Variants in PCP4 observed in about 807,000 individuals in gnomAD.
PCP4 encodes the protein Purkinje cell protein 4, also known as calmodulin regulator protein PCP4.
PCP4 carries 8 observed loss-of-function variants against 10.0 expected under a neutral mutation model. The observed-to-expected ratio is 0.80, with a 90% CI of 0.47 to 1.45. The LOEUF is 1.45. Ranked by LOEUF, PCP4 falls within the 40% of genes most tolerant of loss-of-function variation. PCP4 has a pLI of 0.00. For missense variants in PCP4, 54 were observed against 74.4 expected, an observed-to-expected ratio of 0.73 and a Z score of 1.01; for synonymous variants, 21 against 23.0, an observed-to-expected ratio of 0.91 and a Z score of 0.24.
chr21:39,918,557 A>G (rs948161479), intron 2 of PCP4, among the ~76,000 whole-genome samples: 2 of 152,194 alleles, frequency 1.3e-5, no homozygotes, highest in African/African-American at 4.8e-5. Context: ...TTTAAGTACC[A>G]AAGAAGGCAC....
chr21:39,906,725 C>T lies in PCP4; in HGVS notation c.61+8198C>T, dbSNP rs762223657. ...CCACATCATACAGAGAAAGCTTATA[C>T]ACCTTGGTGAAAAAGTAAAGTTATA... On this transcript the variant is annotated intron_variant, in intron 2 of 2. Coordinates refer to ENST00000328619, the MANE Select transcript of PCP4 (RefSeq NM_006198.3). The surrounding 1 kb of genome is among the most constrained non-coding windows in gnomAD (Gnocchi z 6.3). Among the ~76,000 whole-genome samples the T allele has an allele frequency of 4.6e-5, 7 of 152,170 alleles. No individual in the cohort carries two copies. Among genetic ancestry groups the T allele is most frequent in the Non-Finnish European group, 7.3e-5 (5 of 68,034 alleles).
At chr21:39,896,787 T>C (rs1318379794) in intron 1 of PCP4, among the ~76,000 whole-genome samples, 1 of 152,210 alleles carries the variant, frequency 6.6e-6, no homozygotes, top group Non-Finnish European at 1.5e-5. Context: ...ACAAATGACC[T>C]GAGAATTTCT....
intron 1 of PCP4, among the ~76,000 whole-genome samples, chr21:39,886,270 A>G (rs1275502288): frequency 2.6e-5 from 4 of 152,128 alleles, no homozygotes; most frequent in African/African-American, 4.8e-5. Context: ...AGAACCTTCT[A>G]TGATATTAAT....
At chr21:39,873,708 G>A (rs918387640) in intron 1 of PCP4, among the ~76,000 whole-genome samples, 2 of 152,146 alleles carry the variant, frequency 1.3e-5, no homozygotes, top group African/African-American at 4.8e-5. Flanking sequence ...AGGGCCTTTG[G>A]GGTATAGATA....
At chr21:39,924,381 G>A (rs1194401981) in intron 2 of PCP4, among the ~76,000 whole-genome samples, 1 of 152,150 alleles carries the variant, frequency 6.6e-6, no homozygotes, top group Non-Finnish European at 1.5e-5. Flanking sequence ...AGCAGTCAGA[G>A]GCAATCCCCA....
At chr21:39,867,992 G>A (rs1471429188) in intron 1 of PCP4, among the ~76,000 whole-genome samples, 6 of 152,170 alleles carry the variant, frequency 3.9e-5, no homozygotes, top group Admixed American at 2.0e-4. Flanking sequence ...CAGTTAATCA[G>A]AGCACCAGGG....
At chr21:39,869,409 G>T (rs998707619) in intron 1 of PCP4, among the ~76,000 whole-genome samples, 2 of 152,202 alleles carry the variant, frequency 1.3e-5, no homozygotes, top group Non-Finnish European at 2.9e-5. Context: ...CCGCCATGGC[G>T]CTTATCAGAC....
chr21:39,868,324 C>A (rs1002856935), intron 1 of PCP4, among the ~76,000 whole-genome samples: 8 of 152,174 alleles, frequency 5.3e-5, no homozygotes, highest in African/African-American at 1.9e-4. Context: ...TTTTAAAGAT[C>A]TTTTATCTTC....
intron 1 of PCP4, among the ~76,000 whole-genome samples, chr21:39,871,037 C>T (rs1157060313): frequency 2.6e-5 from 4 of 152,140 alleles, no homozygotes; most frequent in African/African-American, 4.8e-5. Context: ...GAATCCATGT[C>T]GAACTTAATG....
chr21:39,868,490 T>G (rs1190611857), intron 1 of PCP4, among the ~76,000 whole-genome samples: 2 of 152,098 alleles, frequency 1.3e-5, no homozygotes, highest in African/African-American at 4.8e-5. Flanking sequence ...ACTATAAAAC[T>G]TAGAAATGGG....
intron 1 of PCP4, among the ~76,000 whole-genome samples, chr21:39,880,159 T>G (rs552218903): frequency 1.3e-5 from 2 of 150,520 alleles, no homozygotes; most frequent in African/African-American, 5.0e-5. Context: ...TATCTATATC[T>G]ATATCTATAT....
rs912474008 is a variant in PCP4, at chr21:39,921,728, G to A, written c.62-7256G>A. On this transcript the variant is annotated intron_variant, in intron 2 of 2. Coordinates refer to ENST00000328619, the MANE Select transcript of PCP4 (RefSeq NM_006198.3). ...TGAGGACACAGCAAAAAGGTGGAGA[G>A]AGGCCTCACGAGAAACCACACCTGC... 4.6e-5 allele frequency among the ~76,000 whole-genome samples: 7 copies of A among 152,314 alleles called. No individual in the cohort carries two copies. In the South Asian group the frequency reaches 1.5e-3, roughly 32 times the overall value.
chr21:39,916,643 A>G (rs1568860983), intron 2 of PCP4, among the ~76,000 whole-genome samples: 1 of 152,310 alleles, frequency 6.6e-6, no homozygotes, highest in East Asian at 1.9e-4. Flanking sequence ...AAATCATTCT[A>G]TTACAAAGAC....
Position 39,909,415 on chromosome 21 carries a change from A to G in PCP4, c.61+10888A>G, listed in dbSNP as rs1055993594. On this transcript the variant is annotated intron_variant, in intron 2 of 2. Transcript: ENST00000328619. ...GAAGCCAAATTATTTGCATATCACT[A>G]GGTTTAATTTTAAAATTGTATTTCC... Among the ~76,000 whole-genome samples, 9 of 152,286 alleles carry G rather than the reference A, an allele frequency of 5.9e-5. No homozygotes were observed. The East Asian group carries it at 1.7e-3, about 29-fold the overall frequency.
At chr21:39,872,294 C>A (rs2087324439) in intron 1 of PCP4, among the ~76,000 whole-genome samples, 1 of 152,198 alleles carries the variant, frequency 6.6e-6, no homozygotes, top group Admixed American at 6.5e-5. Context: ...CCACCGCACC[C>A]AACCTGCGTT....
At position 39,919,714 on chromosome 21, in the gene PCP4, G is replaced by C. The variant is rs558095511; in HGVS notation, c.62-9270G>C. On this transcript the variant is annotated intron_variant, in intron 2 of 2. Transcript: ENST00000328619. The stretch of plus-strand genomic sequence containing the variant: ...TGTATGTCTATGGTGTGTGTGGTTT[G>C]TGTGTGTGTGGTGTGTATGTATGTG... Among the ~76,000 whole-genome samples the C allele has an allele frequency of 6.7e-3, 1,007 of 150,312 alleles. 12 individuals carry two copies. Among genetic ancestry groups the C allele is most frequent in the African/African-American group, 0.024 (947 of 39,964 alleles).
At chr21:39,920,916 CT>C (rs2087593913) in intron 2 of PCP4, among the ~76,000 whole-genome samples, 1 of 152,242 alleles carries the variant, frequency 6.6e-6, no homozygotes, top group African/African-American at 2.4e-5. Context: ...AGGATGGCTC[CT>C]TGGCAGAGGC....
intron 2 of PCP4, among the ~76,000 whole-genome samples, chr21:39,916,710 A>G (rs2087570136): frequency 6.6e-6 from 1 of 152,242 alleles, no homozygotes; most frequent in African/African-American, 2.4e-5. Flanking sequence ...CATGAAGTCA[A>G]CCTAAATGCC....
intron 2 of PCP4, among the ~76,000 whole-genome samples, chr21:39,908,043 G>T (rs781160153): frequency 1.3e-5 from 2 of 152,040 alleles, no homozygotes; most frequent in East Asian, 3.9e-4. Flanking sequence ...CTTATTATAC[G>T]ATAAGTGATT....
Sources: gnomAD v4.1 joint callset for allele counts (sites outside exome capture counted in the v4.1 genomes callset) on GRCh38, gnomAD v4.1.1 for gene constraint, Gnocchi (gnomAD v3.1) non-coding constraint, MANE v1.5 for transcripts, NCBI Gene and HGNC (gene_info 2026-07-23, HGNC 2026-07-21) for gene names.